LGSN: variants seen among roughly 807,000 people sequenced by gnomAD.
LGSN encodes lengsin, lens protein with glutamine synthetase domain.
Under a neutral mutation model 19.5 loss-of-function variants are expected in LGSN, and 21 were observed. The ratio of observed to expected loss-of-function variants is 1.07; its 90% confidence interval spans 0.76 to 1.55. The LOEUF is 1.55. Ranked by LOEUF, LGSN falls within the 40% of genes most tolerant of loss-of-function variation. The pLI, the probability that LGSN is intolerant of heterozygous loss-of-function variation, is 0.00. For synonymous variants in LGSN, 257 were observed against 215.6 expected (o/e 1.19, Z -1.68); for missense variants, 673 against 608.5 (o/e 1.11, Z -1.12).
At chr6:63,465,026 CA>C in the LGSN span, among the ~76,000 whole-genome samples, 10,638 of 123,638 alleles carry the variant, frequency 0.086, 1,163 homozygotes, top group African/African-American at 0.29. Flanking sequence ...GATTCTGTCT[CA>C]AAAAAAAAAA....
chr6:63,449,843 T>G, the LGSN span, among the ~76,000 whole-genome samples: 1 of 152,052 alleles, frequency 6.6e-6, no homozygotes, highest in Non-Finnish European at 1.5e-5. Flanking sequence ...GTTGAACAAG[T>G]AATGTAAGCC....
chr6:63,448,697 T>C, the LGSN span, among the ~76,000 whole-genome samples: 193 of 152,298 alleles, frequency 1.3e-3, no homozygotes, highest in South Asian at 2.9e-3. Flanking sequence ...TTTCTTCTTA[T>C]TCTTTTTGTT....
the LGSN span, among the ~76,000 whole-genome samples, chr6:63,357,427 G>A: frequency 3.8e-4 from 58 of 151,584 alleles, no homozygotes; most frequent in South Asian, 5.2e-3. Flanking sequence ...CACAATGTTC[G>A]AAGTAGTTTA....
chr6:63,386,600 C>T, the LGSN span, among the ~76,000 whole-genome samples: 32 of 152,062 alleles, frequency 2.1e-4, no homozygotes, highest in African/African-American at 7.5e-4. Context: ...CTTGAAAATG[C>T]TTTGTATCTA....
chr6:63,364,061 C>A, the LGSN span, among the ~76,000 whole-genome samples: 1 of 152,148 alleles, frequency 6.6e-6, no homozygotes, highest in African/African-American at 2.4e-5. Context: ...ATGACAGGAT[C>A]AAATTCACAC....
At chr6:63,454,740 G>C in the LGSN span, among the ~76,000 whole-genome samples, 2 of 150,202 alleles carry the variant, frequency 1.3e-5, no homozygotes, top group Non-Finnish European at 3.0e-5. Flanking sequence ...GAAGTGCTGG[G>C]ATTACAGGCG....
the LGSN span, among the ~76,000 whole-genome samples, chr6:63,508,053 C>A: frequency 9.6e-6 from 1 of 103,704 alleles, no homozygotes; most frequent in African/African-American, 6.1e-5. Context: ...ATTTCACAAC[C>A]AATTCATGGT....
chr6:63,474,239 C>T, the LGSN span, among the ~76,000 whole-genome samples: 1 of 152,120 alleles, frequency 6.6e-6, no homozygotes, highest in African/African-American at 2.4e-5. Context: ...GTATGGATTG[C>T]CATTTATCAC....
chr6:63,355,925 C>G, the LGSN span, among the ~76,000 whole-genome samples: 1 of 152,184 alleles, frequency 6.6e-6, no homozygotes, highest in African/African-American at 2.4e-5. Flanking sequence ...GTGACCCACC[C>G]ACCTTGACCT....
chr6:63,522,851 A>T, the LGSN span, among the ~76,000 whole-genome samples: 2 of 149,584 alleles, frequency 1.3e-5, no homozygotes, highest in Non-Finnish European at 3.0e-5. Context: ...CCCCTTTATA[A>T]GACTAAATCA....
At chr6:63,378,507 G>C in the LGSN span, among the ~76,000 whole-genome samples, 1 of 152,188 alleles carries the variant, frequency 6.6e-6, no homozygotes, top group Admixed American at 6.5e-5. Context: ...ATCTGAGGCT[G>C]AGTAATTTAT....
At chr6:63,560,877 G>T in the LGSN span, among the ~76,000 whole-genome samples, 1 of 152,082 alleles carries the variant, frequency 6.6e-6, no homozygotes, top group Non-Finnish European at 1.5e-5. Context: ...ATTAGTCTGG[G>T]GAACAACATC....
chr6:63,399,263 G>T, the LGSN span, among the ~76,000 whole-genome samples: 17 of 152,096 alleles, frequency 1.1e-4, no homozygotes, highest in African/African-American at 4.1e-4. Context: ...ATACCTTATA[G>T]CTTAGGTGTG....
the LGSN span, among the ~76,000 whole-genome samples, chr6:63,363,268 A>G: frequency 9.7e-4 from 148 of 152,380 alleles, no homozygotes; most frequent in Non-Finnish European, 1.5e-3. Flanking sequence ...AATGCTGAAA[A>G]TTCTGAAAAT....
At chr6:63,336,519 C>CTG in the LGSN span, among the ~76,000 whole-genome samples, 1,326 of 132,092 alleles carry the variant, frequency 0.01, 14 homozygotes, top group African/African-American at 0.021. Flanking sequence ...TATAGAATAT[C>CTG]TGTGTGTGTG....
chr6:63,539,729 A>G, the LGSN span, among the ~76,000 whole-genome samples: 1 of 151,836 alleles, frequency 6.6e-6, no homozygotes, highest in Admixed American at 6.6e-5. Context: ...AGATCGTACC[A>G]CTGCACTCTA....
the LGSN span, among the ~76,000 whole-genome samples, chr6:63,442,139 T>C: frequency 6.6e-6 from 1 of 151,502 alleles, no homozygotes. Flanking sequence ...ATGTCCGGAG[T>C]TGTTGGTCCC....
the LGSN span, among the ~76,000 whole-genome samples, chr6:63,475,964 G>T: frequency 1.1e-4 from 16 of 152,184 alleles, no homozygotes; most frequent in Non-Finnish European, 2.1e-4. Flanking sequence ...CAAAGTTCAA[G>T]CAGGCAGAGT....
At chr6:63,480,469 C>A in the LGSN span, 1 of 162,748 alleles carries the variant, frequency 6.1e-6, no homozygotes, top group Non-Finnish European at 1.4e-5. Flanking sequence ...GGGAGGAAAG[C>A]AAAGAATCAA....
Sources: allele counts gnomAD v4.1 joint callset (sites outside exome capture counted in the v4.1 genomes callset), GRCh38; gene constraint gnomAD v4.1.1; transcripts MANE v1.5; gene names NCBI Gene and HGNC (gene_info 2026-07-23, HGNC 2026-07-21).